The following ADAM32 variants were observed in gnomAD, a reference collection of about 807,000 sequenced individuals.
The protein encoded by ADAM32 is disintegrin and metalloproteinase domain-containing protein 32.
A neutral mutation model predicts 114.9 loss-of-function variants in ADAM32; 89 were observed. The observed-to-expected ratio is 0.77, with a 90% confidence interval of 0.65 to 0.92. The LOEUF (loss-of-function observed/expected upper bound fraction) is 0.92, where lower values mean the gene tolerates loss of function less well. Ranked by LOEUF, ADAM32 falls within the 40% of genes least tolerant of loss-of-function variation. The pLI is 0.00. For synonymous variants in ADAM32, 285 were observed against 307.5 expected (o/e 0.93, Z 0.77); for missense variants, 870 against 932.8 (o/e 0.93, Z 0.88).
intron 23 of ADAM32, among the ~76,000 whole-genome samples, chr8:39,281,656 T>C (rs1813425913): frequency 6.6e-6 from 1 of 152,342 alleles, no homozygotes; most frequent in East Asian, 1.9e-4. Context: ...AGATCCTCAA[T>C]GTCCCACACC....
At chr8:39,186,242 T>C (rs1806231922) in intron 10 of ADAM32, among the ~76,000 whole-genome samples, 1 of 152,270 alleles carries the variant, frequency 6.6e-6, no homozygotes, top group African/African-American at 2.4e-5. Context: ...AATGTCTTTA[T>C]CTTCCTCCTC....
chr8:39,175,169 CTTTATTTT>C (rs1805448693), intron 10 of ADAM32, among the ~76,000 whole-genome samples: 1 of 151,966 alleles, frequency 6.6e-6, no homozygotes, highest in Non-Finnish European at 1.5e-5. Flanking sequence ...TTTGAATTCC[CTTTATTTT>C]TTTATTTTGC....
chr8:39,152,887 AT>A (rs1187987470), intron 6 of ADAM32, among the ~76,000 whole-genome samples: 2 of 152,206 alleles, frequency 1.3e-5, no homozygotes. Context: ...CAAGCATAAT[AT>A]GTGTTACTTC....
chr8:39,128,688 G>A (rs556228430), intron 2 of ADAM32, among the ~76,000 whole-genome samples: 2 of 152,158 alleles, frequency 1.3e-5, no homozygotes, highest in Admixed American at 6.6e-5. Context: ...CTTCCTTCAG[G>A]CATTATTCCA....
rs181561427 is a variant in ADAM32, at chr8:39,124,695, A to G, written c.138+6530A>G. Among the ~76,000 whole-genome samples the G allele has an allele frequency of 2.5e-3, 386 of 152,262 alleles. 5 individuals carry two copies. Among genetic ancestry groups the G allele is most frequent in the African/African-American group, 8.6e-3 (359 of 41,556 alleles). Reference sequence around the variant, plus strand: ...CTCCCAAAGTGCTGAGATTACAGGCATAAGCCACCGCGCCCAGCCAATATA... The same window carrying G: ...CTCCCAAAGTGCTGAGATTACAGGCGTAAGCCACCGCGCCCAGCCAATATA... On this transcript the variant is annotated intron_variant, in intron 2 of 24. Transcript: ENST00000379907.
At chr8:39,227,455 A>T (rs1038354257) in intron 14 of ADAM32, among the ~76,000 whole-genome samples, 1 of 152,116 alleles carries the variant, frequency 6.6e-6, no homozygotes, top group Non-Finnish European at 1.5e-5. Context: ...AAAACTTCAC[A>T]GGGAGAAGGA....
chr8:39,160,924 C>T lies in ADAM32; in HGVS notation c.553C>T (p.Pro185Ser), dbSNP rs1804472293. 6.3e-7 allele frequency: 1 copy of T among 1,599,174 alleles called. No individual in the cohort carries two copies. Among genetic ancestry groups the T allele is most frequent in the Non-Finnish European group, 8.5e-7 (1 of 1,173,302 alleles). ...AGAACCAGCTGTTCCAGATTTATTT[C>T]CTCTTTATCTAGAAATGCATATTGT... ...KSEPAVPDLFPLYLEMHIVVD... is the reference protein window; with the variant it reads ...KSEPAVPDLFSLYLEMHIVVD... Residue 185 changes from proline to serine, a missense_variant, in exon 7 of 25, where the codon CCT becomes TCT. Transcript: ENST00000379907.
At chr8:39,130,931 T>A in intron 2 of ADAM32, 1 of 443,110 alleles carries the variant, frequency 2.3e-6, no homozygotes, top group Non-Finnish European at 4.5e-6. Flanking sequence ...TCCCGGCATT[T>A]TGGGAGACTG....
intron 9 of ADAM32, chr8:39,168,141 T>G (rs1804964620): frequency 1.3e-5 from 2 of 152,198 alleles, no homozygotes; most frequent in Admixed American, 1.3e-4. Context: ...CAGCAGACCT[T>G]GCTGGACTGA....
At chr8:39,163,991 T>C (rs1177828288) in intron 7 of ADAM32, among the ~76,000 whole-genome samples, 1 of 152,164 alleles carries the variant, frequency 6.6e-6, no homozygotes, top group Non-Finnish European at 1.5e-5. Context: ...TATGTATACA[T>C]ACACACACAC....
chr8:39,186,807 T>G, intron 10 of ADAM32, 102 bp from the exon 11 acceptor site: 1 of 1,031,104 alleles, frequency 9.7e-7, no homozygotes, highest in Non-Finnish European at 1.3e-6. Context: ...CCCTAATTCT[T>G]TAGCATTTGA....
At chr8:39,240,690 TC>T (rs1810498506) in intron 16 of ADAM32, among the ~76,000 whole-genome samples, 1 of 152,066 alleles carries the variant, frequency 6.6e-6, no homozygotes. Flanking sequence ...GCAGGGAAAC[TC>T]CCCTTTTTAA....
In ADAM32 at chr8:39,118,937, G is replaced by A. The variant is rs139545971; in HGVS notation, c.138+772G>A. ...AGTTCTTCTCCAGCCCTTGGCAACC[G>A]CTGATCTGTTGTCTATCTCTATGTA... On this transcript the variant is annotated intron_variant, in intron 2 of 24. Transcript: ENST00000379907. Among the ~76,000 whole-genome samples, 55 of 152,236 alleles carry A rather than the reference G, an allele frequency of 3.6e-4. No homozygotes were observed. The East Asian group carries it at 9.1e-3, about 25-fold the overall frequency.
chr8:39,283,670 A>T, intron 24 of ADAM32, 46 bp downstream of exon 24: 2 of 1,481,006 alleles, frequency 1.4e-6, no homozygotes, highest in Non-Finnish European at 1.9e-6. Context: ...CATGTATAAA[A>T]TTAAAATAAA....
In ADAM32 at chr8:39,275,860, C is replaced by A. The variant is rs183670899; in HGVS notation, c.2273C>A (p.Thr758Asn). Residue 758 changes from threonine (T) to asparagine (N), a missense_variant, in exon 22 of 25, where the codon ACT becomes AAT. Coordinates refer to ENST00000379907, the MANE Select transcript of ADAM32 (RefSeq NM_145004.7). ...TCAGAAAGCAGCAGTCAAGCTGATA[C>A]TAGCAAGTAAGTGAATTAGGGGGCA... ...TRSESSSQAD[T>N]SKSKSEDSAE... The A allele has an allele frequency of 6.4e-7, 1 of 1,559,074 alleles. No homozygotes were observed. The highest frequency in any genetic ancestry group is 8.7e-7 in the Non-Finnish European group (1 of 1,151,004).
intron 11 of ADAM32, among the ~76,000 whole-genome samples, chr8:39,202,185 T>G (rs1807469690): frequency 6.6e-6 from 1 of 152,232 alleles, no homozygotes; most frequent in Admixed American, 6.5e-5. Flanking sequence ...TTGATGGGAA[T>G]AGTTTCAGAA....
chr8:39,260,180 T>C (rs1018471603), intron 19 of ADAM32, among the ~76,000 whole-genome samples: 2 of 152,182 alleles, frequency 1.3e-5, no homozygotes, highest in African/African-American at 4.8e-5. Flanking sequence ...CCTCATATAA[T>C]TACCTCTTTT....
At chr8:39,256,719 G>A (rs1435768066) in intron 18 of ADAM32, among the ~76,000 whole-genome samples, 1 of 151,956 alleles carries the variant, frequency 6.6e-6, no homozygotes, top group Non-Finnish European at 1.5e-5. Context: ...TAATTTTTAT[G>A]CCAGTGCCCT....
chr8:39,236,205 A>G (rs983998772), intron 16 of ADAM32, among the ~76,000 whole-genome samples: 4 of 152,148 alleles, frequency 2.6e-5, no homozygotes, highest in African/African-American at 7.2e-5. Context: ...AAAAATTTCT[A>G]TTATCTTCAT....
Sources: allele counts gnomAD v4.1 joint callset (sites outside exome capture counted in the v4.1 genomes callset), GRCh38; gene constraint gnomAD v4.1.1; transcripts MANE v1.5; gene names NCBI Gene and HGNC (gene_info 2026-07-23, HGNC 2026-07-21).